RBM25: variants seen among roughly 807,000 people sequenced by gnomAD.
RBM25 encodes RNA-binding protein 25.
Under a neutral mutation model 120.7 loss-of-function variants are expected in RBM25, and 19 were observed. The observed-to-expected ratio is 0.16, with a 90% CI of 0.11 to 0.23. The LOEUF (loss-of-function observed/expected upper bound fraction) is 0.23, where lower values mean the gene tolerates loss of function less well. Ranked by LOEUF, RBM25 falls within the 10% of genes least tolerant of loss-of-function variation. The pLI, the probability that RBM25 is intolerant of heterozygous loss-of-function variation, is 1.00. For synonymous variants in RBM25, 390 were observed against 326.7 expected (o/e 1.19, Z -2.09); for missense variants, 605 against 1,041.5 (o/e 0.58, Z 5.77).
intron 13 of RBM25, chr14:73,109,138 T>C (rs1027012046): frequency 3.4e-5 from 14 of 417,576 alleles, no homozygotes; most frequent in African/African-American, 2.1e-4. Context: ...GGGAACATAG[T>C]GATAAATGAC....
intron 1 of RBM25, among the ~76,000 whole-genome samples, chr14:73,064,454 G>A (rs981836683): frequency 2.6e-5 from 4 of 151,248 alleles, no homozygotes; most frequent in African/African-American, 9.7e-5. Flanking sequence ...GAGTGCAGTG[G>A]CGCGGTCCCA....
intron 5 of RBM25, among the ~76,000 whole-genome samples, chr14:73,087,048 A>G (rs214293): frequency 0.022 from 1,265 of 57,130 alleles, 21 homozygotes; most frequent in African/African-American, 0.085. Flanking sequence ...TCTTTATGGT[A>G]TATCACACTG....
intron 2 of RBM25, among the ~76,000 whole-genome samples, chr14:73,074,698 T>C (rs1374467655): frequency 2.0e-5 from 3 of 149,998 alleles, no homozygotes; most frequent in Non-Finnish European, 4.5e-5. Flanking sequence ...TTTAAATTTC[T>C]TTGATTTTTT....
intron 17 of RBM25, among the ~76,000 whole-genome samples, chr14:73,113,900 T>A (rs1371716394): frequency 1.3e-5 from 2 of 152,176 alleles, no homozygotes; most frequent in Non-Finnish European, 2.9e-5. Context: ...GAAAACATAG[T>A]CTTAACTTTA....
rs768537206 is a variant in RBM25 at position 73,123,012 on chromosome 14, T to C, written c.*3207T>C. On this transcript the variant is annotated 3_prime_UTR_variant, in exon 19 of 19. Coordinates refer to ENST00000261973, the MANE Select transcript of RBM25 (RefSeq NM_021239.3). ...AACGTAATGTAATCTTGCAAAATTA[T>C]GTCTGAGAAAGCCCTAATATTCTAG... 1 of 152,214 alleles carries C rather than the reference T, an allele frequency of 6.6e-6. No homozygotes were observed. Among genetic ancestry groups the C allele is most frequent in the Non-Finnish European group, 1.5e-5 (1 of 68,030 alleles). 9.4% of individuals were successfully genotyped at this position (152,214 alleles called of 1,614,324 possible). A position where few individuals can be genotyped will look rare whatever the true frequency, so the allele number is the denominator to read the frequency against.
intron 7 of RBM25, 57 bp downstream of exon 7, chr14:73,097,157 C>T (rs1336824454): frequency 5.5e-6 from 5 of 902,128 alleles, no homozygotes; most frequent in South Asian, 5.5e-5. Context: ...TGATATCACT[C>T]TTATACTTTG....
chr14:73,073,888 C>T (rs1457042877), intron 2 of RBM25, among the ~76,000 whole-genome samples: 1 of 152,144 alleles, frequency 6.6e-6, no homozygotes, highest in Non-Finnish European at 1.5e-5. Context: ...TTTATTATCC[C>T]ATGTAACAAT....
At chr14:73,119,209 A>G (rs1005996722) in intron 18 of RBM25, among the ~76,000 whole-genome samples, 4 of 152,226 alleles carry the variant, frequency 2.6e-5, no homozygotes, top group African/African-American at 7.2e-5. Context: ...TAAATATACA[A>G]CTATGTAATA....
At position 73,104,647 on chromosome 14, in the gene RBM25, G is replaced by A. The variant is rs148812239; in HGVS notation, c.1154+1169G>A. Reference sequence around the variant, plus strand: ...CTCCCAAAGTGCTGGGATTACAGGCGTGAGCCACCATGCCCGGCCTTATAT... The same window carrying A: ...CTCCCAAAGTGCTGGGATTACAGGCATGAGCCACCATGCCCGGCCTTATAT... On this transcript the variant is annotated intron_variant, in intron 10 of 18. Transcript: ENST00000261973. Among the ~76,000 whole-genome samples, 1,009 of 152,214 alleles carry A rather than the reference G, an allele frequency of 6.6e-3. 10 individuals carry two copies. Among genetic ancestry groups the A allele is most frequent in the African/African-American group, 0.023 (963 of 41,500 alleles).
intron 9 of RBM25, chr14:73,102,541 A>G (rs1373027728): frequency 6.6e-6 from 1 of 152,240 alleles, no homozygotes; most frequent in Non-Finnish European, 1.5e-5. Context: ...AAATTAAACT[A>G]TTACAGTTAC....
chr14:73,103,905 GTCTCTCTCTCTC>G (rs72346306), intron 10 of RBM25, among the ~76,000 whole-genome samples: 1,232 of 91,458 alleles, frequency 0.013, 6 homozygotes, highest in East Asian at 0.024. Flanking sequence ...CTGTCTGTCT[GTCTCTCTCTCTC>G]TCTCTCTCTC....
chr14:73,106,116 G>C (rs1202426329), intron 11 of RBM25, 35 bp downstream of exon 11: 1 of 1,595,434 alleles, frequency 6.3e-7, no homozygotes, highest in East Asian at 2.2e-5. Context: ...CTTAAATCTT[G>C]GTATCCCTTA....
intron 13 of RBM25, among the ~76,000 whole-genome samples, chr14:73,108,288 A>C (rs1334773186): frequency 6.6e-6 from 1 of 152,206 alleles, no homozygotes; most frequent in Non-Finnish European, 1.5e-5. Context: ...GGGCTCAAGC[A>C]GTCCTCCCTC....
Position 73,098,475 on chromosome 14 carries a change from G to A in RBM25, c.730-905G>A, listed in dbSNP as rs185380992. Among the ~76,000 whole-genome samples, 38 of 152,120 alleles carry A rather than the reference G, an allele frequency of 2.5e-4. No individual in the cohort carries two copies. The East Asian group carries it at 2.7e-3, about 11-fold the overall frequency. ...GCATTATGTAATAAAAAAGTACTAC[G>A]TGGTATATATATTATGATTAGTTAT... On this transcript the variant is annotated intron_variant, in intron 7 of 18. Coordinates refer to ENST00000261973, the MANE Select transcript of RBM25 (RefSeq NM_021239.3).
intron 9 of RBM25, chr14:73,102,523 A>C (rs891678739): frequency 6.6e-6 from 1 of 152,222 alleles, no homozygotes; most frequent in African/African-American, 2.4e-5. Context: ...GTTGCTTTTA[A>C]ATATTTTAAA....
intron 17 of RBM25, 134 bp from the exon 18 acceptor site, chr14:73,114,152 T>TAA (rs1180341609): frequency 2.3e-5 from 14 of 610,846 alleles, no homozygotes; most frequent in Non-Finnish European, 3.8e-5. Context: ...TTCTGAAAAT[T>TAA]AAAACATTTA....
chr14:73,075,997 CTG>C (rs1471507454), intron 2 of RBM25, among the ~76,000 whole-genome samples: 1 of 152,066 alleles, frequency 6.6e-6, no homozygotes, highest in Non-Finnish European at 1.5e-5. Context: ...ATAAGTCAGT[CTG>C]TATTTGTGAA....
intron 17 of RBM25, 105 bp from the exon 18 acceptor site, chr14:73,114,181 G>A (rs1312842611): frequency 1.4e-5 from 11 of 791,384 alleles, no homozygotes; most frequent in South Asian, 5.4e-5. Flanking sequence ...TTCCTTAGCC[G>A]CAAGAAGTTC....
intron 6 of RBM25, among the ~76,000 whole-genome samples, chr14:73,090,507 C>A (rs1034305789): frequency 6.6e-6 from 1 of 152,198 alleles, no homozygotes; most frequent in Non-Finnish European, 1.5e-5. Flanking sequence ...TCCAAGCTCC[C>A]TGTTGAAATT....
Sources: allele counts gnomAD v4.1 joint callset (sites outside exome capture counted in the v4.1 genomes callset), GRCh38; gene constraint gnomAD v4.1.1; transcripts MANE v1.5; gene names NCBI Gene and HGNC (gene_info 2026-07-23, HGNC 2026-07-21).